BUD13: variants seen among roughly 807,000 people sequenced by gnomAD.
The protein encoded by BUD13 is BUD13 spliceosome associated protein.
In BUD13, 47 loss-of-function variants were observed where a neutral mutation model predicts 62.5. That is an observed-to-expected ratio of 0.75 (90% CI 0.60 to 0.96). The LOEUF (loss-of-function observed/expected upper bound fraction) is 0.96, where lower values mean the gene tolerates loss of function less well. Among genes scored for constraint, BUD13 ranks in the 40% least tolerant of loss-of-function variants. BUD13 has a pLI of 0.00. For synonymous variants in BUD13, 293 were observed against 280.1 expected (o/e 1.05, Z -0.46); for missense variants, 821 against 790.9 (o/e 1.04, Z -0.46).
rs146213018 is a variant in BUD13, at chr11:116,765,776, C to T, written c.238-330G>A. Among the ~76,000 whole-genome samples, 629 of 152,312 alleles carry T rather than the reference C, an allele frequency of 4.1e-3. 3 individuals carry two copies. Among genetic ancestry groups the T allele is most frequent in the Admixed American group, 7.5e-3 (115 of 15,304 alleles). ...CAACTAAATTCCTTTTACACTTTTA[C>T]TTCTACATTAACAGTGGAAACATAG... On this transcript the variant is annotated intron_variant, in intron 2 of 9. Coordinates refer to ENST00000260210, the MANE Select transcript of BUD13 (RefSeq NM_032725.4).
intron 2 of BUD13, among the ~76,000 whole-genome samples, chr11:116,765,675 C>T (rs1940519754): frequency 6.6e-6 from 1 of 152,104 alleles, no homozygotes; most frequent in Admixed American, 6.6e-5. Flanking sequence ...AATCAATTAC[C>T]CTGCAAAGGT....
intron 3 of BUD13, among the ~76,000 whole-genome samples, chr11:116,764,201 A>C (rs941051272): frequency 6.6e-6 from 1 of 152,240 alleles, no homozygotes; most frequent in Non-Finnish European, 1.5e-5. Context: ...ACAGTTTCAA[A>C]ATCCAGTTCT....
intron 3 of BUD13, among the ~76,000 whole-genome samples, chr11:116,764,633 G>A (rs1016724331): frequency 6.6e-5 from 10 of 152,086 alleles, no homozygotes; most frequent in Non-Finnish European, 1.3e-4. Context: ...ATTCTCTTTG[G>A]AAAAGAATTC....
At chr11:116,749,194 A>G (rs1354778451) in intron 9 of BUD13, among the ~76,000 whole-genome samples, 1 of 152,126 alleles carries the variant, frequency 6.6e-6, no homozygotes, top group East Asian at 1.9e-4. Flanking sequence ...TATTTTATCC[A>G]TTCATTACAC....
chr11:116,765,528 C>A (rs1940517510), intron 2 of BUD13, 82 bp from the exon 3 acceptor site: 1 of 1,459,542 alleles, frequency 6.9e-7, no homozygotes, highest in East Asian at 2.3e-5. Context: ...GAAGTTACAA[C>A]CATTCCGATT....
At chr11:116,767,331 C>A (rs967454597) in intron 2 of BUD13, among the ~76,000 whole-genome samples, 1 of 151,066 alleles carries the variant, frequency 6.6e-6, no homozygotes, top group Non-Finnish European at 1.5e-5. Context: ...CGGTGGCTCA[C>A]GTCTGTAATC....
Position 116,758,360 on chromosome 11 carries a change from T to C in BUD13, c.1408A>G (p.Lys470Glu). The stretch of plus-strand genomic sequence containing the variant: ...AAACGTTCGAGTTTCAAATTCCTCT[T>C]ACGACCAGACTTATCTCGAAATACG... ...ETVFRDKSGR[K>E]RNLKLERLEQ... The change falls in exon 7 of 10, where the codon AAG (lysine) becomes GAG (glutamate). Residue 470 changes from lysine to glutamate, a missense_variant. Physicochemically the swap from Lys to Glu is moderately conservative, Grantham distance 56. This residue lies in a region of BUD13 where 800 missense variants were observed against 739.2 expected (regional missense o/e 1.08). Coordinates refer to ENST00000260210, the MANE Select transcript of BUD13 (RefSeq NM_032725.4). 1 of 1,614,200 alleles carries C rather than the reference T, an allele frequency of 6.2e-7. No homozygotes were observed. Among genetic ancestry groups the C allele is most frequent in the Non-Finnish European group, 8.5e-7 (1 of 1,180,038 alleles).
intron 5 of BUD13, 47 bp downstream of exon 5, chr11:116,760,688 G>A (rs770154878): frequency 6.4e-7 from 1 of 1,567,582 alleles, no homozygotes; most frequent in Non-Finnish European, 8.8e-7. Flanking sequence ...AAAGCTGAGA[G>A]AGAAGAGTCA....
At position 116,762,866 on chromosome 11, in the gene BUD13, G is replaced by A. The variant is rs143350651; in HGVS notation, c.723C>T (p.Pro241=). 1.1e-5 allele frequency: 17 copies of A among 1,613,688 alleles called. No homozygotes were observed. The highest frequency in any genetic ancestry group is 6.7e-5 in the Admixed American group (4 of 59,970). ...ARHGSSDISS[P]RRVHNNSPDT... ...CAGGGGAGTTGTTATGGACCCTTCT[G>A]GGGGAAGAGATATCTGAGGAACCAT... The change falls in exon 4 of 10, where the codon CCC becomes CCT. Residue 241 remains proline, a synonymous_variant. Transcript: ENST00000260210.
chr11:116,769,721 A>AC (rs763221097), intron 2 of BUD13, among the ~76,000 whole-genome samples: 5 of 151,916 alleles, frequency 3.3e-5, no homozygotes, highest in African/African-American at 9.7e-5. Flanking sequence ...TTCTCAACTA[A>AC]CCCCCCTACA....
At chr11:116,771,721 C>T (rs190969889) in intron 1 of BUD13, among the ~76,000 whole-genome samples, 4 of 152,222 alleles carry the variant, frequency 2.6e-5, no homozygotes, top group Admixed American at 1.3e-4. Context: ...GGCAGAAAGA[C>T]GAAGACAATA....
In BUD13 at chr11:116,757,873, A is replaced by G; in HGVS notation, c.1577T>C (p.Ile526Thr). ...CATCCTATCCAGATCTTCGTCATCAATATAGCGGGCCAGAGGCTTTTGCAT... is the reference window on the plus strand; with the variant it reads ...CATCCTATCCAGATCTTCGTCATCAGTATAGCGGGCCAGAGGCTTTTGCAT... ...KEMQKPLARYIDDEDLDRMLR... is the reference protein window; with the variant it reads ...KEMQKPLARYTDDEDLDRMLR... Residue 526 changes from isoleucine (I) to threonine (T), a missense_variant, in exon 8 of 10, where the codon ATT (isoleucine) becomes ACT (threonine). This residue lies in a region of BUD13 where 800 missense variants were observed against 739.2 expected (regional missense o/e 1.08). Transcript: ENST00000260210. The G allele has an allele frequency of 3.1e-6, 5 of 1,614,174 alleles. No individual in the cohort carries two copies. Among genetic ancestry groups the G allele is most frequent in the Middle Eastern group, 1.6e-4 (1 of 6,062 alleles).
chr11:116,770,369 G>A lies in BUD13; in HGVS notation c.144-147C>T, dbSNP rs1433750152. 8.1e-6 allele frequency: 5 copies of A among 613,858 alleles called. No homozygotes were observed. In the East Asian group the frequency reaches 9.5e-5, roughly 12 times the overall value. 38.0% of individuals were successfully genotyped at this position (613,858 alleles called of 1,614,324 possible). On this transcript the variant is annotated intron_variant, in intron 1 of 9. Coordinates refer to ENST00000260210, the MANE Select transcript of BUD13 (RefSeq NM_032725.4). ...TACAAGGTCAACTTCATCTCCTACT[G>A]CTACTTCCTTGGTTGAACACCTCCC... is the stretch of plus-strand genomic sequence containing the variant.
intron 9 of BUD13, 84 bp downstream of exon 9, chr11:116,757,062 G>GA (rs2134174539): frequency 7.7e-7 from 1 of 1,302,892 alleles, no homozygotes; most frequent in East Asian, 2.3e-5. Flanking sequence ...TTAAAGCAGA[G>GA]AATGAAATAA....
At position 116,762,594 on chromosome 11, in the gene BUD13, G is replaced by C. The variant is rs201050040; in HGVS notation, c.995C>G (p.Ala332Gly). Residue 332 changes from alanine to glycine, a missense_variant, in exon 4 of 10, where the codon GCA (alanine) becomes GGA (glycine). Ala to Gly is a moderately conservative substitution (Grantham distance 60). Coordinates refer to ENST00000260210, the MANE Select transcript of BUD13 (RefSeq NM_032725.4). ...PDISPPRKKQ[A>G]KSHFGDKKQL... ...CTTCTTGTCTCCAAAATGGGATTTTGCTTGCTTTTTTCGTGGAGGAGAGAT... is the reference window on the plus strand; with the variant it reads ...CTTCTTGTCTCCAAAATGGGATTTTCCTTGCTTTTTTCGTGGAGGAGAGAT... 9 of 1,613,034 alleles carry C rather than the reference G, an allele frequency of 5.6e-6. No homozygotes were observed. The highest frequency in any genetic ancestry group is 5.0e-5 in the Admixed American group (3 of 59,740).
chr11:116,759,098 C>G lies in BUD13; in HGVS notation c.1336G>C (p.Asp446His). The G allele has an allele frequency of 8.1e-6, 13 of 1,613,760 alleles. No homozygotes were observed. The highest frequency in any genetic ancestry group is 1.1e-5 in the Non-Finnish European group (13 of 1,179,946). ...QREQQELKEQ[D>H]QETMAFEAEF... Reference sequence around the variant, plus strand: ...CCTTCAAATGCCATGGTTTCTTGATCCTGTTCCTTGAGCTCCTGCTGTTCT... The same window carrying G: ...CCTTCAAATGCCATGGTTTCTTGATGCTGTTCCTTGAGCTCCTGCTGTTCT... Residue 446 changes from aspartate (D) to histidine (H), a missense_variant, in exon 6 of 10, where the codon GAT (aspartate) becomes CAT (histidine). Asp to His is a moderately conservative substitution (Grantham distance 81). Coordinates refer to ENST00000260210, the MANE Select transcript of BUD13 (RefSeq NM_032725.4).
intron 1 of BUD13, among the ~76,000 whole-genome samples, chr11:116,771,740 A>G (rs1016542121): frequency 1.6e-4 from 25 of 152,242 alleles, no homozygotes; most frequent in African/African-American, 5.5e-4. Context: ...TAATAAGGCA[A>G]GCACCAAACC....
Position 116,758,283 on chromosome 11 carries a change from G to A in BUD13, c.1485C>T (p.Ala495=). 1.9e-6 allele frequency: 3 copies of A among 1,614,078 alleles called. No individual in the cohort carries two copies. Among genetic ancestry groups the A allele is most frequent in the Non-Finnish European group, 2.5e-6 (3 of 1,180,016 alleles). The change falls in exon 7 of 10, where the codon GCC becomes GCT. Residue 495 remains alanine (A), a synonymous_variant. Coordinates refer to ENST00000260210, the MANE Select transcript of BUD13 (RefSeq NM_032725.4). ...EKDSERDELY[A]QWGKGLAQSR... ...GGTTCCCTTACCCTTTTCCCCACTG[G>A]GCATACAGCTCATCTCTCTCTGAGT... is the stretch of plus-strand genomic sequence containing the variant.
At position 116,748,388 on chromosome 11, in the gene BUD13, G is replaced by T; in HGVS notation, c.*94C>A. The T allele has an allele frequency of 8.9e-7, 1 of 1,118,826 alleles. No homozygotes were observed. The highest frequency in any genetic ancestry group is 1.3e-6 in the Non-Finnish European group (1 of 743,802). The allele number at this position is 1,118,826 out of a possible 1,614,324, so 69.3% of individuals were successfully genotyped here. A position where few individuals can be genotyped will look rare whatever the true frequency, so the allele number is the denominator to read the frequency against. ...TTCAACAAGTTGCTGGTCTGTGTGGGCTCCAATTATTAGCACAGACAACTG... is the reference window on the plus strand; with the variant it reads ...TTCAACAAGTTGCTGGTCTGTGTGGTCTCCAATTATTAGCACAGACAACTG... On this transcript the variant is annotated 3_prime_UTR_variant, in exon 10 of 10. Coordinates refer to ENST00000260210, the MANE Select transcript of BUD13 (RefSeq NM_032725.4).
Sources: gnomAD v4.1 joint callset for allele counts (sites outside exome capture counted in the v4.1 genomes callset) on GRCh38, gnomAD v4.1.1 for gene constraint, gnomAD v4.1.1 regional missense constraint, MANE v1.5 for transcripts, NCBI Gene and HGNC (gene_info 2026-07-23, HGNC 2026-07-21) for gene names.